Variants in USPL1 observed in about 807,000 individuals in gnomAD.
USPL1 encodes the protein SUMO-specific isopeptidase USPL1.
In USPL1, 27 loss-of-function variants were observed where a neutral mutation model predicts 51.5. The ratio of observed to expected loss-of-function variants is 0.52; its 90% CI spans 0.39 to 0.72. The LOEUF (loss-of-function observed/expected upper bound fraction) is 0.72, where lower values mean the gene tolerates loss of function less well. Ranked by LOEUF, USPL1 falls within the 30% of genes least tolerant of loss-of-function variation. The probability of loss-of-function intolerance (pLI) is 0.00; values close to 1 mark genes in which losing one functional copy is unlikely to be tolerated. For missense variants in USPL1, 1,226 were observed against 1,268.0 expected, an observed-to-expected ratio of 0.97 and a Z score of 0.50; for synonymous variants, 451 against 459.6, an observed-to-expected ratio of 0.98 and a Z score of 0.24.
intron 5 of USPL1, among the ~76,000 whole-genome samples, chr13:30,638,250 T>A (rs112923217): frequency 2.0e-5 from 3 of 152,330 alleles, no homozygotes; most frequent in Admixed American, 6.5e-5. Context: ...ATCTCAGGGA[T>A]GGGGCTCAGG....
At chr13:30,618,446 C>G (rs936531604) in intron 1 of USPL1, among the ~76,000 whole-genome samples, 1 of 151,710 alleles carries the variant, frequency 6.6e-6, no homozygotes, top group Non-Finnish European at 1.5e-5. Context: ...TCCTCGGCTT[C>G]CAGGTCGGTT....
Position 30,637,787 on chromosome 13 carries a change from A to G in USPL1, c.912A>G (p.Ile304Met), listed in dbSNP as rs746888718. ...KKLTSEIFAE[I>M]ETCLNEVRDE... ...TTACCTCAGAAATATTTGCAGAGAT[A>G]GAGACCTGTCTGAATGAAGTTAGAG... Residue 304 changes from isoleucine to methionine, a missense_variant, in exon 5 of 9, where the codon ATA (isoleucine) becomes ATG (methionine). Transcript: ENST00000255304. The G allele has an allele frequency of 6.2e-7, 1 of 1,613,614 alleles. No homozygotes were observed. The highest frequency in any genetic ancestry group is 8.5e-7 in the Non-Finnish European group (1 of 1,179,798).
chr13:30,640,061 A>C (rs535499542), intron 5 of USPL1, among the ~76,000 whole-genome samples: 1 of 152,218 alleles, frequency 6.6e-6, no homozygotes, highest in Non-Finnish European at 1.5e-5. Context: ...TTTACTGCCC[A>C]TTCAAGGATA....
At chr13:30,650,589 A>G (rs1951077161) in intron 7 of USPL1, among the ~76,000 whole-genome samples, 1 of 151,746 alleles carries the variant, frequency 6.6e-6, no homozygotes, top group Admixed American at 6.6e-5. Flanking sequence ...AAAAAAAAAA[A>G]AAGAAAGAAA....
At chr13:30,653,356 C>A in intron 8 of USPL1, 51 bp downstream of exon 8, 1 of 1,472,962 alleles carries the variant, frequency 6.8e-7, no homozygotes, top group Non-Finnish European at 9.1e-7. Flanking sequence ...AAACTAAATT[C>A]TAGCATGTGG....
intron 6 of USPL1, among the ~76,000 whole-genome samples, chr13:30,645,768 G>A (rs957930883): frequency 4.6e-5 from 7 of 152,188 alleles, no homozygotes; most frequent in African/African-American, 1.7e-4. Context: ...CAGATCTCAG[G>A]TCTGTTATTT....
Position 30,658,552 on chromosome 13 carries a change from C to T in USPL1, c.2475C>T (p.Ile825=). The T allele has an allele frequency of 6.2e-7, 1 of 1,614,092 alleles. No individual in the cohort carries two copies. Among genetic ancestry groups the T allele is most frequent in the Non-Finnish European group, 8.5e-7 (1 of 1,179,980 alleles). ...AGAGTGCAAGTAAGCCTCCTCCCAT[C>T]AGTAAGCCACCAGCAGGCCCTCCAT... ...ARKSASKPPP[I]SKPPAGPPSS... is the part of the protein sequence containing the mutation. The change falls in exon 9 of 9, where the codon ATC becomes ATT. Residue 825 remains isoleucine (I), a synonymous_variant. Transcript: ENST00000255304.
intron 3 of USPL1, among the ~76,000 whole-genome samples, chr13:30,625,208 T>A (rs1348703586): frequency 6.6e-6 from 1 of 152,124 alleles, no homozygotes; most frequent in Non-Finnish European, 1.5e-5. Flanking sequence ...CAGGATTTGC[T>A]GAAAGATTGG....
chr13:30,653,411 T>C (rs1951117569), intron 8 of USPL1, 106 bp downstream of exon 8: 1 of 1,162,092 alleles, frequency 8.6e-7, no homozygotes. Flanking sequence ...AACTTTGTCC[T>C]GACTCTTTCT....
rs1168818848 is a variant in USPL1, at chr13:30,628,583, C to T, written c.229-2252C>T. On this transcript the variant is annotated intron_variant, in intron 3 of 8. Transcript: ENST00000255304. ...GCCCCGGTGTGTGATGTTCCCCTCT[C>T]TGTGTCCGTGTGTTCTCATTGTTCA... Among the ~76,000 whole-genome samples the T allele has an allele frequency of 3.0e-4, 45 of 152,182 alleles. 1 individual carries two copies. Among genetic ancestry groups the T allele is most frequent in the Admixed American group, 2.6e-3 (40 of 15,282 alleles).
intron 5 of USPL1, among the ~76,000 whole-genome samples, chr13:30,638,818 G>A (rs1252968846): frequency 6.7e-6 from 1 of 150,348 alleles, no homozygotes; most frequent in Non-Finnish European, 1.5e-5. Context: ...TGTTGCTACT[G>A]ATTTGTCTAG....
In USPL1 at chr13:30,658,846, G is replaced by T; in HGVS notation, c.2769G>T (p.Val923=). ...TTCGAAGTGAAAATCTAGAACAGGT[G>T]CCCCAGGATGGGTCTCCAAATGATT... ...RTVRSENLEQ[V]PQDGSPNDCE... Residue 923 remains valine, a synonymous_variant, in exon 9 of 9, where the codon GTG becomes GTT. Coordinates refer to ENST00000255304, the MANE Select transcript of USPL1 (RefSeq NM_005800.5). 4 of 1,613,862 alleles carry T rather than the reference G, an allele frequency of 2.5e-6. No homozygotes were observed. Among genetic ancestry groups the T allele is most frequent in the Non-Finnish European group, 3.4e-6 (4 of 1,180,028 alleles).
chr13:30,618,350 C>T (rs947855268), intron 1 of USPL1, among the ~76,000 whole-genome samples: 4 of 152,286 alleles, frequency 2.6e-5, no homozygotes, highest in Non-Finnish European at 4.4e-5. Context: ...GGTGTTGAAA[C>T]TCACCTCCTT....
At chr13:30,627,505 G>A (rs1369532305) in intron 3 of USPL1, among the ~76,000 whole-genome samples, 2 of 140,076 alleles carry the variant, frequency 1.4e-5, no homozygotes, top group African/African-American at 5.8e-5. Context: ...GCCTCTTATG[G>A]TTTATTACTG....
At chr13:30,651,338 G>T (rs1213384389) in intron 7 of USPL1, among the ~76,000 whole-genome samples, 1 of 152,216 alleles carries the variant, frequency 6.6e-6, no homozygotes, top group Non-Finnish European at 1.5e-5. Context: ...CTACCTAGGG[G>T]AATGTACTTG....
At chr13:30,624,575 G>A (rs1253819741) in intron 3 of USPL1, among the ~76,000 whole-genome samples, 1 of 152,144 alleles carries the variant, frequency 6.6e-6, no homozygotes, top group Non-Finnish European at 1.5e-5. Context: ...AGCTGTGATT[G>A]TGCCACTGCA....
At chr13:30,620,849 T>C (rs1054179660) in intron 1 of USPL1, among the ~76,000 whole-genome samples, 11 of 152,212 alleles carry the variant, frequency 7.2e-5, no homozygotes, top group African/African-American at 2.7e-4. Context: ...GAGTCTGCTA[T>C]GAAAACCGGT....
In USPL1 at chr13:30,625,837, G is replaced by A. The variant is rs569711930; in HGVS notation, c.228+3945G>A. 2.0e-4 allele frequency among the ~76,000 whole-genome samples: 31 copies of A among 152,264 alleles called. 2 individuals carry two copies. The South Asian group carries it at 6.4e-3, about 32-fold the overall frequency. On this transcript the variant is annotated intron_variant, in intron 3 of 8. Transcript: ENST00000255304. ...GTATATACTTTGGAAATGTTAAAAA[G>A]GAACATGAGTAATTTATTATTATTT...
In USPL1 at chr13:30,619,541, C is replaced by T. The variant is rs189698623; in HGVS notation, c.-69+1485C>T. Among the ~76,000 whole-genome samples, 373 of 152,280 alleles carry T rather than the reference C, an allele frequency of 2.4e-3. 4 individuals are homozygous for T. The highest frequency in any genetic ancestry group is 8.5e-3 in the African/African-American group (354 of 41,552). On this transcript the variant is annotated intron_variant, in intron 1 of 8. Transcript: ENST00000255304. ...TTCAAGGTACATAGCCTACTAGTTT[C>T]CCATTTGAGAGTACCGCAGAATGAT...
Sources: allele counts gnomAD v4.1 joint callset (sites outside exome capture counted in the v4.1 genomes callset), GRCh38; gene constraint gnomAD v4.1.1; transcripts MANE v1.5; gene names NCBI Gene and HGNC (gene_info 2026-07-23, HGNC 2026-07-21).